The following PCDH11X variants were observed in gnomAD, a reference collection of about 807,000 sequenced individuals.
PCDH11X encodes protocadherin-11 X-linked.
A neutral mutation model predicts 53.3 loss-of-function variants in PCDH11X; 18 were observed. The observed-to-expected ratio is 0.34, with a 90% CI of 0.23 to 0.50. The LOEUF is 0.50. Among genes scored for constraint, PCDH11X ranks in the 20% least tolerant of loss-of-function variants. PCDH11X has a pLI of 0.98. For missense variants in PCDH11X, 570 were observed against 1,032.4 expected (o/e 0.55, Z 6.14); for synonymous variants, 279 against 393.3 (o/e 0.71, Z 3.44).
chrX:91,946,599 A>ATATATATG (rs58031232), intron 6 of PCDH11X, among the ~76,000 whole-genome samples: 9 of 76,105 alleles, frequency 1.2e-4, no homozygotes, highest in African/African-American at 2.0e-4. Context: ...ATATATATAT[A>ATATATATG]GCTATTTAAA....
intron 6 of PCDH11X, among the ~76,000 whole-genome samples, chrX:92,038,440 C>T (rs184660074): frequency 0.02 from 2,212 of 111,077 alleles, 49 homozygotes; most frequent in African/African-American, 0.069. Context: ...AAGCCTCAAG[C>T]TTTGGCAGTA....
chrX:92,259,641 G>A (rs148867209), intron 7 of PCDH11X, among the ~76,000 whole-genome samples: 1,432 of 111,337 alleles, frequency 0.013, 21 homozygotes, highest in African/African-American at 0.044. Flanking sequence ...ATGAGATTTT[G>A]GTGAGGACTC....
intron 8 of PCDH11X, among the ~76,000 whole-genome samples, chrX:92,298,175 G>A (rs1226314947): frequency 9.0e-6 from 1 of 111,356 alleles, no homozygotes; most frequent in Non-Finnish European, 1.9e-5. Flanking sequence ...AGGATTTCCA[G>A]CACTGTTTTG....
rs189714218 is a variant in PCDH11X, at chrX:92,232,863, C to T, written c.3115-30251C>T. Among the ~76,000 whole-genome samples, 236 of 111,408 alleles carry T rather than the reference C, an allele frequency of 2.1e-3. 2 individuals carry two copies. The highest frequency in any genetic ancestry group is 7.3e-3 in the African/African-American group (225 of 30,709). On this transcript the variant is annotated intron_variant, in intron 7 of 10. Coordinates refer to ENST00000682573, the MANE Select transcript of PCDH11X (RefSeq NM_032968.5). Reference sequence around the variant, plus strand: ...CGCGAGTAGCTGGGACTATAGGCGCCCGCCACCACGCCCGGCTAATTTTTT... The same window carrying T: ...CGCGAGTAGCTGGGACTATAGGCGCTCGCCACCACGCCCGGCTAATTTTTT...
intron 10 of PCDH11X, among the ~76,000 whole-genome samples, chrX:92,611,141 G>A (rs1285812700): frequency 3.7e-5 from 4 of 109,329 alleles, no homozygotes; most frequent in African/African-American, 1.3e-4. Flanking sequence ...CTGGAAAAAC[G>A]ACTTTGGTAG....
At chrX:92,042,086 G>A (rs190006520) in intron 6 of PCDH11X, among the ~76,000 whole-genome samples, 2,087 of 111,406 alleles carry the variant, frequency 0.019, 42 homozygotes, top group African/African-American at 0.064. Context: ...GTATCTAAAC[G>A]TAATTTAACT....
intron 1 of PCDH11X, among the ~76,000 whole-genome samples, chrX:91,804,460 G>GT (rs1204724299): frequency 9.5e-6 from 1 of 105,188 alleles, no homozygotes; most frequent in East Asian, 3.0e-4. Context: ...GAGGAATCTG[G>GT]TATTTCTGAG....
intron 9 of PCDH11X, among the ~76,000 whole-genome samples, chrX:92,458,775 T>A (rs1050308300): frequency 9.3e-6 from 1 of 107,413 alleles, no homozygotes; most frequent in African/African-American, 3.4e-5. Flanking sequence ...TATCCATTCA[T>A]CCATTGGACA....
At chrX:92,041,933 C>T (rs1194622875) in intron 6 of PCDH11X, among the ~76,000 whole-genome samples, 1 of 112,269 alleles carries the variant, frequency 8.9e-6, no homozygotes, top group East Asian at 2.8e-4. Flanking sequence ...CACACCACTG[C>T]ACTCTAGCCT....
At chrX:92,274,400 GT>G (rs1182565260) in intron 8 of PCDH11X, among the ~76,000 whole-genome samples, 1 of 110,787 alleles carries the variant, frequency 9.0e-6, no homozygotes, top group Non-Finnish European at 1.9e-5. Context: ...AGGCTGGTCT[GT>G]TATCAGACTG....
chrX:91,845,090 G>C (rs1937604125), intron 5 of PCDH11X, among the ~76,000 whole-genome samples: 1 of 111,642 alleles, frequency 9.0e-6, no homozygotes, highest in Admixed American at 9.6e-5. Flanking sequence ...TTATATGGAT[G>C]AATTTTAGAT....
intron 8 of PCDH11X, among the ~76,000 whole-genome samples, chrX:92,363,985 CTT>C (rs1359446858): frequency 9.0e-6 from 1 of 111,164 alleles, no homozygotes; most frequent in Non-Finnish European, 1.9e-5. Flanking sequence ...GTTGAACTGT[CTT>C]TGCATTTCTT....
chrX:91,894,945 A>T (rs778533086), intron 6 of PCDH11X, among the ~76,000 whole-genome samples: 60 of 110,648 alleles, frequency 5.4e-4, no homozygotes, highest in African/African-American at 1.9e-3. Flanking sequence ...TGTAGTTCAG[A>T]CCTTCTCATC....
intron 9 of PCDH11X, among the ~76,000 whole-genome samples, chrX:92,415,192 C>T (rs1225026777): frequency 1.8e-5 from 2 of 111,428 alleles, no homozygotes; most frequent in Non-Finnish European, 3.8e-5. Flanking sequence ...ATTCACTGCT[C>T]ACTGAGATGA....
At chrX:92,094,281 G>A (rs748902894) in intron 6 of PCDH11X, among the ~76,000 whole-genome samples, 1 of 109,535 alleles carries the variant, frequency 9.1e-6, no homozygotes, top group Non-Finnish European at 1.9e-5. Flanking sequence ...ATGGACAACA[G>A]CATTTTATCA....
intron 10 of PCDH11X, among the ~76,000 whole-genome samples, chrX:92,593,532 G>A (rs1351792440): frequency 1.8e-5 from 2 of 111,610 alleles, no homozygotes; most frequent in African/African-American, 6.5e-5. Flanking sequence ...AATTTTTGTT[G>A]TTGTTGTTAA....
chrX:92,582,328 C>T (rs1923814596), intron 10 of PCDH11X, among the ~76,000 whole-genome samples: 1 of 108,096 alleles, frequency 9.3e-6, no homozygotes, highest in Non-Finnish European at 1.9e-5. Context: ...CTGTTATGCA[C>T]AGGCTAGGGA....
intron 8 of PCDH11X, among the ~76,000 whole-genome samples, chrX:92,322,681 T>C (rs1296370143): frequency 9.0e-6 from 1 of 111,541 alleles, no homozygotes; most frequent in African/African-American, 3.3e-5. Context: ...CTAGTTCAAT[T>C]GCTATCATAA....
At chrX:91,959,970 A>T (rs2147886232) in intron 6 of PCDH11X, among the ~76,000 whole-genome samples, 1 of 80,825 alleles carries the variant, frequency 1.2e-5, no homozygotes. Context: ...TTATCTTTTC[A>T]AATTTGATAA....
Sources: gnomAD v4.1 joint callset for allele counts (sites outside exome capture counted in the v4.1 genomes callset) on GRCh38, gnomAD v4.1.1 for gene constraint, MANE v1.5 for transcripts, NCBI Gene and HGNC (gene_info 2026-07-23, HGNC 2026-07-21) for gene names.